Variants in AKT3 observed in about 807,000 individuals in gnomAD.
The protein encoded by AKT3 is AKT serine/threonine kinase 3, also known as RAC-gamma serine/threonine-protein kinase.
Under a neutral mutation model 65.3 loss-of-function variants are expected in AKT3, and 15 were observed. The ratio of observed to expected loss-of-function variants is 0.23; its 90% CI spans 0.15 to 0.35. AKT3 has a LOEUF of 0.35. AKT3 is among the 10% of genes least tolerant of loss of function. The probability of loss-of-function intolerance (pLI) is 1.00; values close to 1 mark genes in which losing one functional copy is unlikely to be tolerated. For synonymous variants in AKT3, 206 were observed against 183.8 expected, an observed-to-expected ratio of 1.12 and a Z score of -0.98; for missense variants, 243 against 576.5, an observed-to-expected ratio of 0.42 and a Z score of 5.92.
chr1:243,583,829 A>T (rs1388560109), intron 8 of AKT3, among the ~76,000 whole-genome samples: 9 of 152,158 alleles, frequency 5.9e-5, no homozygotes, highest in Admixed American at 5.9e-4. Flanking sequence ...CAGTGTTAAG[A>T]GGAAAGTTGA....
intron 8 of AKT3, among the ~76,000 whole-genome samples, chr1:243,605,009 C>A (rs1351834225): frequency 6.6e-6 from 1 of 152,026 alleles, no homozygotes; most frequent in Non-Finnish European, 1.5e-5. Context: ...ATCTTTGGTA[C>A]AATAATATAG....
At chr1:243,631,125 G>A (rs1348430159) in intron 6 of AKT3, among the ~76,000 whole-genome samples, 1 of 152,140 alleles carries the variant, frequency 6.6e-6, no homozygotes, top group Non-Finnish European at 1.5e-5. Context: ...TATTAAGTGT[G>A]TAACAGCACT....
intron 2 of AKT3, among the ~76,000 whole-genome samples, chr1:243,718,966 A>C (rs1344591726): frequency 1.3e-5 from 2 of 152,198 alleles, no homozygotes; most frequent in Non-Finnish European, 2.9e-5. Context: ...TTCATGGGAT[A>C]AGTCATTCCC....
chr1:243,719,505 A>G (rs1044783748), intron 2 of AKT3, among the ~76,000 whole-genome samples: 4 of 152,222 alleles, frequency 2.6e-5, no homozygotes, highest in Non-Finnish European at 5.9e-5. Context: ...TTTTGAGTAA[A>G]CTAAATTACA....
intron 10 of AKT3, among the ~76,000 whole-genome samples, chr1:243,560,490 T>TC (rs376562475): frequency 6.6e-6 from 1 of 152,104 alleles, no homozygotes; most frequent in African/African-American, 2.4e-5. Context: ...AGTTACAATT[T>TC]CGTAAGTTGT....
At chr1:243,695,068 G>A (rs1469597236) in intron 3 of AKT3, among the ~76,000 whole-genome samples, 2 of 151,840 alleles carry the variant, frequency 1.3e-5, no homozygotes. Context: ...TTTGTGCTAT[G>A]TTCATGCAAA....
chr1:243,785,568 T>C (rs1691211036), intron 2 of AKT3, among the ~76,000 whole-genome samples: 1 of 152,234 alleles, frequency 6.6e-6, no homozygotes, highest in African/African-American at 2.4e-5. Context: ...TCATGTTTCT[T>C]TCACATGTGA....
At chr1:243,734,385 A>G (rs776082112) in intron 2 of AKT3, among the ~76,000 whole-genome samples, 24 of 152,238 alleles carry the variant, frequency 1.6e-4, no homozygotes, top group Admixed American at 3.3e-4. Flanking sequence ...TGAGAAATGC[A>G]TCATTAGGCA....
intron 12 of AKT3, among the ~76,000 whole-genome samples, chr1:243,518,629 C>CA (rs973833823): frequency 1.4e-4 from 21 of 150,672 alleles, no homozygotes; most frequent in Middle Eastern, 3.4e-3. Flanking sequence ...CGTCAAACAA[C>CA]AAAAAAAAAC....
intron 2 of AKT3, among the ~76,000 whole-genome samples, chr1:243,782,239 T>C (rs888871880): frequency 3.3e-5 from 5 of 152,098 alleles, no homozygotes; most frequent in African/African-American, 4.8e-5. Context: ...GGCCTAAGAA[T>C]AGAAAAATAG....
chr1:243,686,651 ATTTTTTTTT>A (rs143487611), intron 3 of AKT3, among the ~76,000 whole-genome samples: 10 of 23,514 alleles, frequency 4.3e-4, no homozygotes, highest in East Asian at 1.1e-3. Context: ...ATATATATAT[ATTTTTTTTT>A]TTTTTTTTTT....
At position 243,616,002 on chromosome 1, in the gene AKT3, A is replaced by C. The variant is rs547866144; in HGVS notation, c.562-841T>G. Among the ~76,000 whole-genome samples the C allele has an allele frequency of 2.6e-5, 4 of 152,138 alleles. No homozygotes were observed. In the East Asian group the frequency reaches 5.8e-4, roughly 22 times the overall value. ...GGAATCCTCCCGCTTCAGACTCCCA[A>C]GTAGCAGAGACTACAGGTTGTTTTT... On this transcript the variant is annotated intron_variant, in intron 6 of 13. Coordinates refer to ENST00000673466, the MANE Select transcript of AKT3 (RefSeq NM_005465.7).
At chr1:243,737,257 G>A (rs995767402) in intron 2 of AKT3, among the ~76,000 whole-genome samples, 5 of 152,116 alleles carry the variant, frequency 3.3e-5, no homozygotes, top group African/African-American at 1.2e-4. Flanking sequence ...GCAAAATGGG[G>A]GTGATAGCGC....
intron 6 of AKT3, among the ~76,000 whole-genome samples, chr1:243,627,680 C>T (rs530254217): frequency 1.3e-5 from 2 of 152,284 alleles, no homozygotes; most frequent in South Asian, 4.1e-4. Context: ...AGGGTCTAAC[C>T]AAACTGTGAA....
chr1:243,512,429 G>A lies in AKT3; in HGVS notation c.1252-3C>T. 6.6e-7 allele frequency: 1 copy of A among 1,520,898 alleles called. No individual in the cohort carries two copies. Among genetic ancestry groups the A allele is most frequent in the Non-Finnish European group, 8.9e-7 (1 of 1,120,304 alleles). The allele number at this position is 1,520,898 out of a possible 1,614,324, so 94.2% of individuals were successfully genotyped here. On this transcript the variant is annotated splice_region_variant and splice_polypyrimidine_tract_variant and intron_variant, in intron 12 of 13. Transcript: ENST00000673466. ...TGAGGTTTAAAAGGAGGTACAAGCT[G>A]TAAAAAGAAAGAAAAAGAGTTTTAT... is the stretch of plus-strand genomic sequence containing the variant.
At chr1:243,621,321 T>A (rs1345276966) in intron 6 of AKT3, among the ~76,000 whole-genome samples, 4 of 152,312 alleles carry the variant, frequency 2.6e-5, no homozygotes, top group Non-Finnish European at 4.4e-5. Context: ...TTTAACACAT[T>A]TGATCACTCC....
Position 243,527,371 on chromosome 1 carries a change from G to A in AKT3, c.1252-14945C>T, listed in dbSNP as rs546771840. 7.9e-5 allele frequency among the ~76,000 whole-genome samples: 12 copies of A among 152,250 alleles called. No homozygotes were observed. In the East Asian group the frequency reaches 2.3e-3, roughly 29 times the overall value. ...AAATCTCTGAAAGATAAGTAGGAAT[G>A]CAATAAGTATTAAGATCCATTTCAA... On this transcript the variant is annotated intron_variant, in intron 12 of 13. Transcript: ENST00000673466.
chr1:243,731,308 C>T (rs1687551469), intron 2 of AKT3, among the ~76,000 whole-genome samples: 1 of 152,154 alleles, frequency 6.6e-6, no homozygotes, highest in African/African-American at 2.4e-5. Flanking sequence ...TGCAATATCA[C>T]CAATAATAAG....
At position 243,724,158 on chromosome 1, in the gene AKT3, T is replaced by C. The variant is rs1197979236; in HGVS notation, c.47-28442A>G. On this transcript the variant is annotated intron_variant, in intron 2 of 13. Coordinates refer to ENST00000673466, the MANE Select transcript of AKT3 (RefSeq NM_005465.7). Reference sequence around the variant, plus strand: ...GTGATACAGGAGAGGAAAACAAGACTGTCATCCCTGCAGTCCTCAAAAGAA... The same window carrying C: ...GTGATACAGGAGAGGAAAACAAGACCGTCATCCCTGCAGTCCTCAAAAGAA... Among the ~76,000 whole-genome samples, 2 of 151,562 alleles carry C rather than the reference T, an allele frequency of 1.3e-5. 1 individual carries two copies. The highest frequency in any genetic ancestry group is 1.3e-4 in the Admixed American group (2 of 15,204).
Sources: gnomAD v4.1 joint callset for allele counts (sites outside exome capture counted in the v4.1 genomes callset) on GRCh38, gnomAD v4.1.1 for gene constraint, MANE v1.5 for transcripts, NCBI Gene and HGNC (gene_info 2026-07-23, HGNC 2026-07-21) for gene names.